The following KMT2E variants were observed in gnomAD, a reference collection of about 807,000 sequenced individuals.
KMT2E encodes the protein lysine methyltransferase 2E (inactive).
In KMT2E, 30 loss-of-function variants were observed where a neutral mutation model predicts 184.6. That is an observed-to-expected ratio of 0.16 (90% confidence interval 0.12 to 0.22). The LOEUF is 0.22. Ranked by LOEUF, KMT2E falls within the 10% of genes least tolerant of loss-of-function variation. The pLI is 1.00. For missense variants in KMT2E, 2,023 were observed against 2,237.4 expected (o/e 0.90, Z 1.93); for synonymous variants, 815 against 776.5 (o/e 1.05, Z -0.82).
chr7:105,076,073 A>G lies in KMT2E; in HGVS notation c.760A>G (p.Arg254Gly), dbSNP rs772025085. ...TCGTGAAGGATCTAGGAAGTCATCA[A>G]GAGTTAAGGTAAATACATTAATTTT... ...AFREGSRKSS[R>G]VKGSAPEIDP... Residue 254 changes from arginine (R) to glycine (G), a missense_variant, in exon 9 of 27, where the codon AGA becomes GGA. Physicochemically the swap from Arg to Gly is moderately radical, Grantham distance 125. Transcript: ENST00000311117. The G allele has an allele frequency of 1.0e-5, 16 of 1,598,138 alleles. No homozygotes were observed. The highest frequency in any genetic ancestry group is 1.4e-5 in the Non-Finnish European group (16 of 1,166,046).
rs56663357 is a variant in KMT2E, at chr7:105,047,006, C to T, written c.71+5983C>T. Reference sequence around the variant, plus strand: ...GCAAAAGAATCCAAAGCGAAATCAGCAAAGGGAAAAGGTACATGGGGTGAA... The same window carrying T: ...GCAAAAGAATCCAAAGCGAAATCAGTAAAGGGAAAAGGTACATGGGGTGAA... On this transcript the variant is annotated intron_variant, in intron 3 of 26. Coordinates refer to ENST00000311117, the MANE Select transcript of KMT2E (RefSeq NM_182931.3). Among the ~76,000 whole-genome samples the T allele has an allele frequency of 3.0e-3, 455 of 152,270 alleles. 15 individuals carry two copies. In the East Asian group the frequency reaches 0.062, roughly 21 times the overall value.
intron 3 of KMT2E, among the ~76,000 whole-genome samples, chr7:105,052,981 T>G (rs958926155): frequency 2.0e-5 from 3 of 152,204 alleles, no homozygotes; most frequent in African/African-American, 4.8e-5. Context: ...TAAGAAGAGA[T>G]AGAACTACAG....
Position 105,057,618 on chromosome 7 carries a change from A to G in KMT2E, c.72-4546A>G, listed in dbSNP as rs1584738798. Among the ~76,000 whole-genome samples the G allele has an allele frequency of 2.0e-5, 3 of 151,666 alleles. No individual in the cohort carries two copies. In the Middle Eastern group the frequency reaches 0.01, roughly 516 times the overall value. Reference sequence around the variant, plus strand: ...AGGTGTGAGCCACCATGCCCAGCTAATTTTTTCATTTTTTGATAGAGGTGG... The same window carrying G: ...AGGTGTGAGCCACCATGCCCAGCTAGTTTTTTCATTTTTTGATAGAGGTGG... On this transcript the variant is annotated intron_variant, in intron 3 of 26. Coordinates refer to ENST00000311117, the MANE Select transcript of KMT2E (RefSeq NM_182931.3).
At position 105,087,305 on chromosome 7, in the gene KMT2E, A is replaced by ATAATATATG. The variant is rs1554396446; in HGVS notation, c.1359-2704_1359-2703insTAATATATG. The stretch of plus-strand genomic sequence containing the variant: ...ATATGATATAATATATATAATATAT[A>ATAATATATG]AATATAAATATAGCATATATTACAT... On this transcript the variant is annotated intron_variant, in intron 13 of 26. Transcript: ENST00000311117. Among the ~76,000 whole-genome samples the ATAATATATG allele has an allele frequency of 8.3e-3, 1,172 of 140,876 alleles. 23 individuals are homozygous for ATAATATATG. The highest frequency in any genetic ancestry group is 0.031 in the African/African-American group (1,125 of 36,798). 92.4% of individuals were successfully genotyped at this position (140,876 alleles called of 152,430 possible).
Position 105,106,622 on chromosome 7 carries a change from T to G in KMT2E, c.2697T>G (p.Thr899=), listed in dbSNP as rs748212207. 6.2e-7 allele frequency: 1 copy of G among 1,614,062 alleles called. No homozygotes were observed. ...CTCCTTCCCCGTATGCTACACCAAC[T>G]CACACCGATATTACTCCTATGGACC... The part of the protein sequence containing the change: ...TPTPSPYATP[T]HTDITPMDPS... The change falls in exon 20 of 27, where the codon ACT becomes ACG. Residue 899 remains threonine (T), a synonymous_variant. Coordinates refer to ENST00000311117, the MANE Select transcript of KMT2E (RefSeq NM_182931.3).
At position 105,113,437 on chromosome 7, in the gene KMT2E, T is replaced by TA. The variant is rs1219880525; in HGVS notation, c.*110dup. 6.5e-6 allele frequency: 8 copies of TA among 1,230,006 alleles called. No individual in the cohort carries two copies. Among genetic ancestry groups the TA allele is most frequent in the African/African-American group, 1.5e-5 (1 of 65,666 alleles). 76.2% of individuals were successfully genotyped at this position (1,230,006 alleles called of 1,614,324 possible). A position where few individuals can be genotyped will look rare whatever the true frequency, so the allele number is the denominator to read the frequency against. On this transcript the variant is annotated 3_prime_UTR_variant, in exon 27 of 27. Coordinates refer to ENST00000311117, the MANE Select transcript of KMT2E (RefSeq NM_182931.3). The stretch of plus-strand genomic sequence containing the variant: ...TAAAGCTTGTACATGAACCTTTGTA[T>TA]AAAAAACACCAGTGCTCTTTCGTTG...
intron 13 of KMT2E, among the ~76,000 whole-genome samples, chr7:105,084,867 G>T (rs923983443): frequency 4.6e-5 from 7 of 152,208 alleles, no homozygotes; most frequent in Non-Finnish European, 8.8e-5. Context: ...AAATAGTTAT[G>T]ATTTAATAAT....
intron 17 of KMT2E, chr7:105,102,702 A>G (rs1449652765): frequency 1.3e-5 from 2 of 154,100 alleles, no homozygotes; most frequent in African/African-American, 4.8e-5. Context: ...CAGATCAGAA[A>G]TAACAGAACA....
intron 20 of KMT2E, among the ~76,000 whole-genome samples, 156 bp from the exon 21 acceptor site, chr7:105,107,010 T>A (rs1798928819): frequency 6.6e-6 from 1 of 152,212 alleles, no homozygotes; most frequent in Non-Finnish European, 1.5e-5. Flanking sequence ...ATCTAATTGA[T>A]CTTAAAGCAG....
At chr7:105,053,556 A>G (rs1584733325) in intron 3 of KMT2E, among the ~76,000 whole-genome samples, 1 of 152,166 alleles carries the variant, frequency 6.6e-6, no homozygotes, top group Admixed American at 6.5e-5. Flanking sequence ...GTAATGTGCT[A>G]TAGATCAAAG....
At chr7:105,108,144 A>G (rs1197831541) in intron 22 of KMT2E, among the ~76,000 whole-genome samples, 2 of 152,178 alleles carry the variant, frequency 1.3e-5, no homozygotes, top group African/African-American at 2.4e-5. Flanking sequence ...CCTTGTAAGC[A>G]GCATGGTTTC....
rs747348417 is a variant in KMT2E at position 105,112,479 on chromosome 7, A to T, written c.4723A>T (p.Ser1575Cys). Residue 1575 changes from serine to cysteine, a missense_variant, in exon 27 of 27, where the codon AGT becomes TGT. Coordinates refer to ENST00000311117, the MANE Select transcript of KMT2E (RefSeq NM_182931.3). ...TCAGAATTATAATCAGCTCAAAGGT[A>T]GTCTTTCTCAACAAACTGTGTTTAC... ...NFQNYNQLKG[S>C]LSQQTVFTSG... The T allele has an allele frequency of 1.2e-6, 2 of 1,613,906 alleles. No homozygotes were observed. Among genetic ancestry groups the T allele is most frequent in the Non-Finnish European group, 8.5e-7 (1 of 1,180,014 alleles).
intron 1 of KMT2E, among the ~76,000 whole-genome samples, chr7:105,015,664 T>G (rs977797013): frequency 1.3e-5 from 2 of 152,166 alleles, no homozygotes; most frequent in Non-Finnish European, 2.9e-5. Flanking sequence ...CCTTTACAGA[T>G]TCTAAAAATG....
intron 3 of KMT2E, among the ~76,000 whole-genome samples, chr7:105,046,690 A>G (rs919666163): frequency 5.3e-5 from 8 of 152,194 alleles, no homozygotes; most frequent in African/African-American, 1.9e-4. Context: ...GCAATTTGGG[A>G]CATTTAGTAT....
intron 5 of KMT2E, among the ~76,000 whole-genome samples, chr7:105,064,590 T>C (rs1041375976): frequency 1.3e-5 from 2 of 152,144 alleles, no homozygotes; most frequent in African/African-American, 4.8e-5. Flanking sequence ...AATTCAAATA[T>C]TAAGTGGAAT....
chr7:105,046,184 A>C (rs1452474391), intron 3 of KMT2E, among the ~76,000 whole-genome samples: 1 of 152,170 alleles, frequency 6.6e-6, no homozygotes, highest in Non-Finnish European at 1.5e-5. Context: ...CGTCCTCTCT[A>C]ATAAATTCAC....
At position 105,111,910 on chromosome 7, in the gene KMT2E, G is replaced by A. The variant is rs376885579; in HGVS notation, c.4154G>A (p.Ser1385Asn). 1.7e-5 allele frequency: 27 copies of A among 1,614,030 alleles called. No individual in the cohort carries two copies. The highest frequency in any genetic ancestry group is 2.0e-5 in the Non-Finnish European group (24 of 1,180,038). The change falls in exon 27 of 27, where the codon AGT becomes AAT. Residue 1385 changes from serine (S) to asparagine (N), a missense_variant. This residue lies in a region of KMT2E where 1,108 missense variants were observed against 1,050.9 expected (regional missense o/e 1.05). Transcript: ENST00000311117. ...GATCCCCAATGGGACTCCACAGTTAGTGCATCCGAAGCTGAAAATGGTGTT... is the reference window on the plus strand; with the variant it reads ...GATCCCCAATGGGACTCCACAGTTAATGCATCCGAAGCTGAAAATGGTGTT... ...KPDPQWDSTV[S>N]ASEAENGVHL...
chr7:105,107,270 A>G, intron 21 of KMT2E, 48 bp downstream of exon 21: 1 of 1,501,244 alleles, frequency 6.7e-7, no homozygotes, highest in Non-Finnish European at 9.1e-7. Flanking sequence ...TTTTCCTATT[A>G]CATTGTTTTC....
chr7:105,042,606 T>C (rs946640870), intron 3 of KMT2E, among the ~76,000 whole-genome samples: 16 of 152,208 alleles, frequency 1.1e-4, no homozygotes, highest in Non-Finnish European at 2.9e-5. Flanking sequence ...GTTGCTTGGC[T>C]CCAGATTCAT....
Sources: gnomAD v4.1 joint callset for allele counts (sites outside exome capture counted in the v4.1 genomes callset) on GRCh38, gnomAD v4.1.1 for gene constraint, gnomAD v4.1.1 regional missense constraint, MANE v1.5 for transcripts, NCBI Gene and HGNC (gene_info 2026-07-23, HGNC 2026-07-21) for gene names.